Variants in ADGRG7 observed in about 807,000 individuals in gnomAD.
ADGRG7 encodes adhesion G protein-coupled receptor G7, also known as G-protein coupled receptor 128.
ADGRG7 carries 82 observed loss-of-function variants against 88.6 expected under a neutral mutation model. The observed-to-expected ratio is 0.93, with a 90% CI of 0.77 to 1.11. ADGRG7 has a LOEUF of 1.11. Among genes scored for constraint, ADGRG7 ranks in the 50% most tolerant of loss-of-function variants. The probability of loss-of-function intolerance (pLI) is 0.00; values close to 1 mark genes in which losing one functional copy is unlikely to be tolerated. For synonymous variants in ADGRG7, 381 were observed against 345.2 expected (o/e 1.10, Z -1.15); for missense variants, 945 against 953.4 (o/e 0.99, Z 0.12).
At position 100,633,287 on chromosome 3, in the gene ADGRG7, G is replaced by A; in HGVS notation, c.357G>A (p.Arg119=). 6.6e-7 allele frequency: 1 copy of A among 1,509,714 alleles called. No homozygotes were observed. Among genetic ancestry groups the A allele is most frequent in the Non-Finnish European group, 8.9e-7 (1 of 1,126,756 alleles). The allele number at this position is 1,509,714 out of a possible 1,614,324, so 93.5% of individuals were successfully genotyped here. A position where few individuals can be genotyped will look rare whatever the true frequency, so the allele number is the denominator to read the frequency against. ...TPNAGNPMAV[R]LCSLSLYGEI... is the part of the protein sequence containing the mutation. ...AAGCGGGCAATCCAATGGCAGTCCG[G>A]TTGTGCAGTCTCTCTCTATATGGAG... Residue 119 remains arginine (R), a synonymous_variant, in exon 4 of 16, where the codon CGG becomes CGA. Transcript: ENST00000273352.
chr3:100,673,056 A>T (rs2094960679), intron 15 of ADGRG7, among the ~76,000 whole-genome samples: 2 of 152,162 alleles, frequency 1.3e-5, no homozygotes, highest in Non-Finnish European at 2.9e-5. Flanking sequence ...TTTTGGAATC[A>T]GGATGATGTT....
intron 1 of ADGRG7, among the ~76,000 whole-genome samples, chr3:100,611,375 T>C (rs1435081296): frequency 6.6e-6 from 1 of 151,842 alleles, no homozygotes; most frequent in Non-Finnish European, 1.5e-5. Context: ...AAGCGACATC[T>C]ATTTTTAAAG....
rs753816226 is a variant in ADGRG7 at position 100,611,244 on chromosome 3, T to TTTCCTTCCTTCC, written c.115+1320_115+1331dup. Among the ~76,000 whole-genome samples, 66 of 64,876 alleles carry TTTCCTTCCTTCC rather than the reference T, an allele frequency of 1.0e-3. 1 individual carries two copies. The highest frequency in any genetic ancestry group is 2.0e-3 in the African/African-American group (61 of 30,094). 42.6% of individuals were successfully genotyped at this position (64,876 alleles called of 152,430 possible). A position where few individuals can be genotyped will look rare whatever the true frequency, so the allele number is the denominator to read the frequency against. On this transcript the variant is annotated intron_variant, in intron 1 of 15. Coordinates refer to ENST00000273352, the MANE Select transcript of ADGRG7 (RefSeq NM_032787.3). ...CTTCACAAAGTTTTGTTTGTTTGTT[T>TTTCCTTCCTTCC]TTCCTTCCTTCCTTCCTTCCTTCCT...
intron 15 of ADGRG7, among the ~76,000 whole-genome samples, chr3:100,684,824 A>G (rs887222243): frequency 6.6e-6 from 1 of 152,028 alleles, no homozygotes; most frequent in Non-Finnish European, 1.5e-5. Context: ...ATAAGATACA[A>G]ATTTCAATTT....
chr3:100,614,739 C>A (rs1000204635), intron 1 of ADGRG7, among the ~76,000 whole-genome samples: 2 of 152,058 alleles, frequency 1.3e-5, no homozygotes, highest in African/African-American at 4.8e-5. Context: ...TCAAACTTTT[C>A]AAAGCAGACT....
At chr3:100,664,128 A>G (rs977616724) in intron 14 of ADGRG7, among the ~76,000 whole-genome samples, 2 of 152,134 alleles carry the variant, frequency 1.3e-5, no homozygotes, top group Non-Finnish European at 2.9e-5. Context: ...AATTTCAGAT[A>G]TACGCATTAG....
intron 2 of ADGRG7, among the ~76,000 whole-genome samples, chr3:100,630,478 T>C (rs1707444984): frequency 6.6e-6 from 1 of 152,320 alleles, no homozygotes; most frequent in African/African-American, 2.4e-5. Context: ...CCCAGGTTTA[T>C]ATTGTGCACA....
At chr3:100,610,705 A>G (rs1022292785) in intron 1 of ADGRG7, among the ~76,000 whole-genome samples, 9 of 152,192 alleles carry the variant, frequency 5.9e-5, no homozygotes, top group Admixed American at 5.2e-4. Context: ...TGGGCTGTAG[A>G]GCTTCTCCGT....
rs983584059 is a variant in ADGRG7, at chr3:100,695,352, C to G, written c.*351C>G. 4.0e-5 allele frequency: 8 copies of G among 197,628 alleles called. No homozygotes were observed. Among genetic ancestry groups the G allele is most frequent in the Admixed American group, 5.5e-5 (1 of 18,042 alleles). The allele number at this position is 197,628 out of a possible 1,614,324, so 12.2% of individuals were successfully genotyped here. The stretch of plus-strand genomic sequence containing the variant: ...GGACACAAAGAGAAAACTTTACCTT[C>G]CAGAACAAAATGACTCCTGATGAAC... On this transcript the variant is annotated 3_prime_UTR_variant, in exon 16 of 16. Transcript: ENST00000273352.
Position 100,613,747 on chromosome 3 carries a change from AT to A in ADGRG7, c.115+3781del, listed in dbSNP as rs145703772. ...ATTCCTGGATTTCAAGGTATTAGATATTTTTACTCGAAATTCTGGATACTTG... is the reference window on the plus strand; with the variant it reads ...ATTCCTGGATTTCAAGGTATTAGATATTTTACTCGAAATTCTGGATACTTG... On this transcript the variant is annotated intron_variant, in intron 1 of 15. Coordinates refer to ENST00000273352, the MANE Select transcript of ADGRG7 (RefSeq NM_032787.3). Among the ~76,000 whole-genome samples, 769 of 152,210 alleles carry A rather than the reference AT, an allele frequency of 5.1e-3. 8 individuals carry two copies. The highest frequency in any genetic ancestry group is 0.018 in the African/African-American group (735 of 41,522).
chr3:100,625,897 TA>T (rs1411409355), intron 1 of ADGRG7, among the ~76,000 whole-genome samples: 2 of 152,236 alleles, frequency 1.3e-5, no homozygotes, highest in African/African-American at 4.8e-5. Context: ...TCGTGGTGGA[TA>T]AGCTTTTTGA....
At chr3:100,687,914 C>T (rs921804880) in intron 15 of ADGRG7, among the ~76,000 whole-genome samples, 3 of 152,186 alleles carry the variant, frequency 2.0e-5, no homozygotes, top group Non-Finnish European at 2.9e-5. Flanking sequence ...GGAGGATTCC[C>T]TCTTTTTCTA....
At chr3:100,658,729 G>A (rs1680508) in intron 13 of ADGRG7, among the ~76,000 whole-genome samples, 130,209 of 152,062 alleles carry the variant, frequency 0.86, 56,703 homozygotes, top group Non-Finnish European at 0.95. Flanking sequence ...ACATATACAC[G>A]GTAATTTCTA....
At chr3:100,658,517 G>C (rs2246355) in intron 13 of ADGRG7, among the ~76,000 whole-genome samples, 131,158 of 152,184 alleles carry the variant, frequency 0.86, 57,351 homozygotes, top group Non-Finnish European at 0.95. Context: ...TTCCACTAAC[G>C]TTATCCACTT....
At chr3:100,663,128 G>C (rs933640655) in intron 14 of ADGRG7, among the ~76,000 whole-genome samples, 1 of 152,122 alleles carries the variant, frequency 6.6e-6, no homozygotes, top group African/African-American at 2.4e-5. Context: ...CTGTTAAAGA[G>C]AGTAGGGGAA....
chr3:100,679,560 C>T lies in ADGRG7; in HGVS notation c.2136+10455C>T, dbSNP rs533269502. Among the ~76,000 whole-genome samples the T allele has an allele frequency of 1.4e-3, 212 of 152,266 alleles. 1 individual carries two copies. The highest frequency in any genetic ancestry group is 1.6e-3 in the Non-Finnish European group (109 of 68,012). On this transcript the variant is annotated intron_variant, in intron 15 of 15. Coordinates refer to ENST00000273352, the MANE Select transcript of ADGRG7 (RefSeq NM_032787.3). ...GAGGGTTCTATTTGGTCATCTTGCT[C>T]CACCTCTCTCCTCCTTACAGACTAT...
rs376785435 is a variant in ADGRG7, at chr3:100,689,170, G to A, written c.2137-5574G>A. The stretch of plus-strand genomic sequence containing the variant: ...CTGTTTTGATCTTTGTTGGTTTAAA[G>A]TCTGTTTTATCAGAGACTAGGATTG... On this transcript the variant is annotated intron_variant, in intron 15 of 15. Coordinates refer to ENST00000273352, the MANE Select transcript of ADGRG7 (RefSeq NM_032787.3). Among the ~76,000 whole-genome samples the A allele has an allele frequency of 6.0e-3, 918 of 152,228 alleles. 14 individuals are homozygous for A. The highest frequency in any genetic ancestry group is 0.021 in the African/African-American group (874 of 41,540).
At chr3:100,651,581 C>T (rs1276655854) in intron 11 of ADGRG7, among the ~76,000 whole-genome samples, 2 of 152,156 alleles carry the variant, frequency 1.3e-5, no homozygotes, top group Non-Finnish European at 2.9e-5. Context: ...TGGAGGCTCA[C>T]ACCTATAATT....
rs1019327880 is a variant in ADGRG7 at position 100,669,051 on chromosome 3, T to A, written c.2082T>A (p.Asp694Glu). 6.2e-7 allele frequency: 1 copy of A among 1,603,444 alleles called. No homozygotes were observed. Among genetic ancestry groups the A allele is most frequent in the Non-Finnish European group, 8.5e-7 (1 of 1,174,726 alleles). ...TAGCATACCTGATGCTAGTTAATGA[T>A]GATAGCATCAGGATCGTCTTCAGCT... ...WILAYLMLVN[D>E]DSIRIVFSYI... The change falls in exon 15 of 16, where the codon GAT (aspartate) becomes GAA (glutamate). Residue 694 changes from aspartate (D) to glutamate (E), a missense_variant. Physicochemically the swap from Asp to Glu is conservative, Grantham distance 45. Transcript: ENST00000273352.
Sources: gnomAD v4.1 joint callset for allele counts (sites outside exome capture counted in the v4.1 genomes callset) on GRCh38, gnomAD v4.1.1 for gene constraint, MANE v1.5 for transcripts, NCBI Gene and HGNC (gene_info 2026-07-23, HGNC 2026-07-21) for gene names.